Variants in MGAT5 observed in about 807,000 individuals in gnomAD.
The protein encoded by MGAT5 is alpha-1,6-mannosylglycoprotein 6-beta-N-acetylglucosaminyltransferase.
MGAT5 carries 30 observed loss-of-function variants against 94.3 expected under a neutral mutation model. That is an observed-to-expected ratio of 0.32 (90% CI 0.24 to 0.43). The LOEUF (loss-of-function observed/expected upper bound fraction) is 0.43. Among genes scored for constraint, MGAT5 ranks in the 20% least tolerant of loss-of-function variants. MGAT5 has a pLI of 1.00. For missense variants in MGAT5, 691 were observed against 905.5 expected, an observed-to-expected ratio of 0.76 and a Z score of 3.04; for synonymous variants, 310 against 322.9, an observed-to-expected ratio of 0.96 and a Z score of 0.43.
intron 1 of MGAT5, among the ~76,000 whole-genome samples, chr2:134,165,204 G>A (rs1023538047): frequency 6.6e-6 from 1 of 152,206 alleles, no homozygotes; most frequent in South Asian, 2.1e-4. Flanking sequence ...GGCTTCCTTG[G>A]TGGGCATCGC....
intron 2 of MGAT5, among the ~76,000 whole-genome samples, chr2:134,295,280 T>A (rs1685608361): frequency 6.6e-6 from 1 of 152,138 alleles, no homozygotes; most frequent in African/African-American, 2.4e-5. Context: ...ACAAGTTGAA[T>A]ATAGCCATAA....
chr2:134,172,197 G>A (rs11895668), intron 1 of MGAT5, among the ~76,000 whole-genome samples: 38,615 of 151,980 alleles, frequency 0.25, 5,399 homozygotes, highest in African/African-American at 0.38. Context: ...CCTGGGCCCA[G>A]CACACACATC....
In MGAT5 at chr2:134,338,291, C is replaced by T. The variant is rs1241214914; in HGVS notation, c.678C>T (p.Tyr226=). ...TTCGTACAGATTTTAATATTCTCTA[C>T]AGTATGATGAAAAAGCATGAAGAAT... is the stretch of plus-strand genomic sequence containing the variant. ...AEIRTDFNIL[Y]SMMKKHEEFR... is the part of the protein sequence containing the mutation. The change falls in exon 6 of 16, where the codon TAC becomes TAT. Residue 226 remains tyrosine, a synonymous_variant. Coordinates refer to ENST00000281923, the MANE Select transcript of MGAT5 (RefSeq NM_002410.5). 5.6e-6 allele frequency: 9 copies of T among 1,612,090 alleles called. No individual in the cohort carries two copies. In the Admixed American group the frequency reaches 6.7e-5, roughly 12 times the overall value.
intron 2 of MGAT5, among the ~76,000 whole-genome samples, chr2:134,296,681 C>A (rs576984062): frequency 1.3e-5 from 2 of 152,228 alleles, no homozygotes; most frequent in South Asian, 4.1e-4. Context: ...CTTAACCTCT[C>A]TTTCTTCTGT....
chr2:134,192,421 T>C (rs764576548), intron 1 of MGAT5, among the ~76,000 whole-genome samples: 39 of 152,170 alleles, frequency 2.6e-4, no homozygotes, highest in Non-Finnish European at 4.7e-4. Flanking sequence ...TATTCTGTCA[T>C]AGCAGCACAA....
chr2:134,401,036 T>C (rs1683018959), intron 10 of MGAT5, among the ~76,000 whole-genome samples: 1 of 152,056 alleles, frequency 6.6e-6, no homozygotes, highest in South Asian at 2.1e-4. Flanking sequence ...TCTCTCTGCT[T>C]TCTTTTCCCA....
At chr2:134,435,023 T>G (rs1685091700) in intron 14 of MGAT5, among the ~76,000 whole-genome samples, 1 of 152,028 alleles carries the variant, frequency 6.6e-6, no homozygotes, top group East Asian at 1.9e-4. Context: ...AGAGATGCCC[T>G]GTCTCAGGGT....
At chr2:134,231,482 G>A (rs1387091235) in intron 1 of MGAT5, among the ~76,000 whole-genome samples, 1 of 152,214 alleles carries the variant, frequency 6.6e-6, no homozygotes. Context: ...AATGCTTCCT[G>A]TGTAGCAATG....
At chr2:134,267,930 G>T (rs576130220) in intron 1 of MGAT5, among the ~76,000 whole-genome samples, 1 of 152,362 alleles carries the variant, frequency 6.6e-6, no homozygotes, top group African/African-American at 2.4e-5. Flanking sequence ...TCCACAGAGG[G>T]GCAGTGGGGA....
chr2:134,386,035 A>G (rs1009831329), intron 10 of MGAT5, among the ~76,000 whole-genome samples: 3 of 152,224 alleles, frequency 2.0e-5, no homozygotes, highest in Admixed American at 2.0e-4. Flanking sequence ...CGGAACCACA[A>G]CACAGTAAGC....
At chr2:134,381,383 T>TAGGATA in intron 10 of MGAT5, among the ~76,000 whole-genome samples, 1 of 67,288 alleles carries the variant, frequency 1.5e-5, no homozygotes, top group South Asian at 6.7e-4. Context: ...TAAGATAGAT[T>TAGGATA]AGATAGATAG....
intron 10 of MGAT5, 61 bp downstream of exon 10, chr2:134,362,469 A>C (rs1010356835): frequency 6.3e-7 from 1 of 1,580,000 alleles, no homozygotes; most frequent in African/African-American, 1.4e-5. Context: ...ATTTAATTTA[A>C]CTTTGATCCA....
intron 1 of MGAT5, among the ~76,000 whole-genome samples, chr2:134,245,548 C>A (rs1380605729): frequency 4.6e-5 from 7 of 152,012 alleles, no homozygotes; most frequent in Admixed American, 2.0e-4. Flanking sequence ...TTTTCTCTTA[C>A]CCCACCCACG....
chr2:134,265,150 G>T (rs1281130403), intron 1 of MGAT5, among the ~76,000 whole-genome samples: 1 of 152,198 alleles, frequency 6.6e-6, no homozygotes, highest in Admixed American at 6.5e-5. Flanking sequence ...GAAAAATGGG[G>T]TGGTGGACAG....
chr2:134,431,317 G>A (rs959425393), intron 14 of MGAT5, among the ~76,000 whole-genome samples: 1 of 152,168 alleles, frequency 6.6e-6, no homozygotes, highest in Non-Finnish European at 1.5e-5. Flanking sequence ...CAGGAATCTT[G>A]TGTTAGGGGC....
chr2:134,283,774 T>A (rs1270280948), intron 2 of MGAT5, among the ~76,000 whole-genome samples: 2 of 151,132 alleles, frequency 1.3e-5, no homozygotes, highest in Admixed American at 6.6e-5. Context: ...TTTATGAGGC[T>A]TGACTTAAGC....
At chr2:134,228,367 C>T (rs1435595352) in intron 1 of MGAT5, among the ~76,000 whole-genome samples, 1 of 152,156 alleles carries the variant, frequency 6.6e-6, no homozygotes, top group Non-Finnish European at 1.5e-5. Flanking sequence ...TGATAAAAAT[C>T]CTTATATTTA....
At chr2:134,304,035 A>G (rs1353704916) in intron 2 of MGAT5, among the ~76,000 whole-genome samples, 16 of 152,308 alleles carry the variant, frequency 1.1e-4, no homozygotes, top group Admixed American at 5.9e-4. Context: ...GATTGTTCCA[A>G]TACAAGCTTC....
At chr2:134,384,496 G>A (rs1223589015) in intron 10 of MGAT5, among the ~76,000 whole-genome samples, 2 of 152,116 alleles carry the variant, frequency 1.3e-5, no homozygotes, top group Non-Finnish European at 2.9e-5. Flanking sequence ...CTAGAACTGT[G>A]AACCACAAAA....
Sources: gnomAD v4.1 joint callset for allele counts (sites outside exome capture counted in the v4.1 genomes callset) on GRCh38, gnomAD v4.1.1 for gene constraint, MANE v1.5 for transcripts, NCBI Gene and HGNC (gene_info 2026-07-23, HGNC 2026-07-21) for gene names.